Variants in CCDC134 observed in about 807,000 individuals in gnomAD.
The protein encoded by CCDC134 is coiled-coil domain containing 134, also known as coiled-coil domain-containing protein 134.
A neutral mutation model predicts 25.6 loss-of-function variants in CCDC134; 27 were observed. The ratio of observed to expected loss-of-function variants is 1.05; its 90% CI spans 0.78 to 1.45. The LOEUF (loss-of-function observed/expected upper bound fraction) is 1.45, where lower values mean the gene tolerates loss of function less well. Among genes scored for constraint, CCDC134 ranks in the 40% most tolerant of loss-of-function variants. CCDC134 has a pLI of 0.00. For missense variants in CCDC134, 261 were observed against 286.7 expected (o/e 0.91, Z 0.65); for synonymous variants, 110 against 115.0 (o/e 0.96, Z 0.28).
Position 41,809,956 on chromosome 22 carries a change from C to T in CCDC134, c.181C>T (p.Gln61Ter), listed in dbSNP as rs1206407476. The T allele has an allele frequency of 6.2e-7, 1 of 1,614,182 alleles. No individual in the cohort carries two copies. Among genetic ancestry groups the T allele is most frequent in the South Asian group, 1.1e-5 (1 of 91,082 alleles). The part of the protein sequence containing the change: ...KNLAQLNDIH[Q>*]QYKILDVMLK... ...CCTGGCACAGCTGAACGACATCCAC[C>T]AGCAGTACAAGATCCTTGATGTCAT... Residue 61 changes from glutamine to a stop codon, truncating the protein, a stop_gained, in exon 3 of 7, where the codon CAG (glutamine) becomes TAG (stop). Coordinates refer to ENST00000255784, the MANE Select transcript of CCDC134 (RefSeq NM_024821.5). LOFTEE classifies it high-confidence loss of function.
At chr22:41,824,261 G>T (rs2076665598) in intron 6 of CCDC134, among the ~76,000 whole-genome samples, 1 of 152,172 alleles carries the variant, frequency 6.6e-6, no homozygotes, top group Non-Finnish European at 1.5e-5. Flanking sequence ...GTGGGTGTTG[G>T]AAAGAGCGTT....
At chr22:41,821,887 G>A (rs1245620068) in intron 6 of CCDC134, among the ~76,000 whole-genome samples, 1 of 152,156 alleles carries the variant, frequency 6.6e-6, no homozygotes, top group Non-Finnish European at 1.5e-5. Flanking sequence ...GTTGTCTCCT[G>A]CTACTTTCAT....
intron 6 of CCDC134, among the ~76,000 whole-genome samples, chr22:41,815,508 C>T (rs542940848): frequency 6.6e-6 from 1 of 152,234 alleles, no homozygotes; most frequent in South Asian, 2.1e-4. Flanking sequence ...CCCGGCCTAA[C>T]TCAAATTTTC....
At chr22:41,808,557 G>C (rs1360265879) in intron 1 of CCDC134, among the ~76,000 whole-genome samples, 2 of 152,212 alleles carry the variant, frequency 1.3e-5, no homozygotes, top group South Asian at 2.1e-4. Flanking sequence ...GCTCAGAAAG[G>C]CTGGGCAAGC....
intron 1 of CCDC134, among the ~76,000 whole-genome samples, chr22:41,807,165 C>T (rs1039669211): frequency 7.2e-5 from 11 of 152,106 alleles, no homozygotes; most frequent in East Asian, 1.9e-4. Flanking sequence ...AAGAAAAGCC[C>T]GAAGTACAGA....
chr22:41,803,197 A>G (rs1266422966), intron 1 of CCDC134, among the ~76,000 whole-genome samples: 1 of 152,100 alleles, frequency 6.6e-6, no homozygotes, highest in East Asian at 1.9e-4. Context: ...CAGGAGTTTC[A>G]GGTTATAGGG....
intron 6 of CCDC134, among the ~76,000 whole-genome samples, chr22:41,823,436 G>A (rs1474813277): frequency 2.0e-5 from 3 of 152,014 alleles, no homozygotes; most frequent in East Asian, 3.8e-4. Context: ...ATGTTGACCA[G>A]GCTGGTCTTG....
At position 41,831,554 on chromosome 22, in the gene CCDC134, C is replaced by T. The variant is rs191290472; in HGVS notation, c.*5731C>T. 1 of 152,316 alleles carries T rather than the reference C, an allele frequency of 6.6e-6. No homozygotes were observed. Among genetic ancestry groups the T allele is most frequent in the Non-Finnish European group, 1.5e-5 (1 of 68,032 alleles). The allele number at this position is 152,316 out of a possible 1,614,324, so 9.4% of individuals were successfully genotyped here. A position where few individuals can be genotyped will look rare whatever the true frequency, so the allele number is the denominator to read the frequency against. ...ACTTACTGTATGCCAAAGCTTATGC[C>T]GAGAGCTGGCTGCCAGCAGCTCCTC... On this transcript the variant is annotated 3_prime_UTR_variant, in exon 7 of 7. Transcript: ENST00000255784.
rs555791226 is a variant in CCDC134, at chr22:41,809,684, G to A, written c.104-195G>A. Among the ~76,000 whole-genome samples, 3 of 152,318 alleles carry A rather than the reference G, an allele frequency of 2.0e-5. No individual in the cohort carries two copies. In the East Asian group the frequency reaches 5.8e-4, roughly 29 times the overall value. ...GGTTTCAGGCTTCTGGGTGTGGAGC[G>A]CCATGGGAACTGGATGAATAGTGCG... On this transcript the variant is annotated intron_variant, in intron 2 of 6. Coordinates refer to ENST00000255784, the MANE Select transcript of CCDC134 (RefSeq NM_024821.5).
At position 41,810,231 on chromosome 22, in the gene CCDC134, C is replaced by G. The variant is rs558806801; in HGVS notation, c.250C>G (p.Leu84Val). ...FKVLEDSRTV[L>V]TAADVLPDGP... ...GGTGCTGGAGGACTCCCGGACAGTG[C>G]TCACCGCTGCTGATGTGCTCCCAGA... Residue 84 changes from leucine to valine, a missense_variant, in exon 4 of 7, where the codon CTC (leucine) becomes GTC (valine). Leu to Val is a conservative substitution (Grantham distance 32). Coordinates refer to ENST00000255784, the MANE Select transcript of CCDC134 (RefSeq NM_024821.5). 1 of 1,613,934 alleles carries G rather than the reference C, an allele frequency of 6.2e-7. No homozygotes were observed. Among genetic ancestry groups the G allele is most frequent in the Non-Finnish European group, 8.5e-7 (1 of 1,179,986 alleles).
intron 6 of CCDC134, among the ~76,000 whole-genome samples, chr22:41,817,264 T>C (rs1329033855): frequency 6.6e-6 from 1 of 152,114 alleles, no homozygotes; most frequent in Non-Finnish European, 1.5e-5. Context: ...CCAAGTAGAA[T>C]GATATGTTTA....
chr22:41,817,941 A>T (rs1366324467), intron 6 of CCDC134, among the ~76,000 whole-genome samples: 1 of 152,084 alleles, frequency 6.6e-6, no homozygotes, highest in African/African-American at 2.4e-5. Context: ...TATGGCAGTT[A>T]ATCAGCCAGC....
At position 41,808,850 on chromosome 22, in the gene CCDC134, C is replaced by T. The variant is rs114286011; in HGVS notation, c.-16-25C>T. ...GTAACACCGATCTCTGAGTCTCACTCTCTTTCTTTGGGTTATTCTTCCAGC... is the reference window on the plus strand; with the variant it reads ...GTAACACCGATCTCTGAGTCTCACTTTCTTTCTTTGGGTTATTCTTCCAGC... On this transcript the variant is annotated intron_variant, in intron 1 of 6. Coordinates refer to ENST00000255784, the MANE Select transcript of CCDC134 (RefSeq NM_024821.5). The T allele has an allele frequency of 4.4e-5, 68 of 1,547,522 alleles. No individual in the cohort carries two copies. The African/African-American group carries it at 9.0e-4, about 20-fold the overall frequency.
intron 6 of CCDC134, among the ~76,000 whole-genome samples, chr22:41,815,962 T>G (rs966426757): frequency 6.6e-6 from 1 of 152,134 alleles, no homozygotes; most frequent in East Asian, 1.9e-4. Flanking sequence ...TAACCTGCAA[T>G]ATTGAACAGG....
At position 41,808,877 on chromosome 22, in the gene CCDC134, C is replaced by G. The variant is rs777398122; in HGVS notation, c.-14C>G. On this transcript the variant is annotated splice_region_variant and 5_prime_UTR_variant, in exon 2 of 7. Coordinates refer to ENST00000255784, the MANE Select transcript of CCDC134 (RefSeq NM_024821.5). Reference sequence around the variant, plus strand: ...CTTTCTTTGGGTTATTCTTCCAGCTCAAGAGGTTTGGATATGGACCTTCTT... The same window carrying G: ...CTTTCTTTGGGTTATTCTTCCAGCTGAAGAGGTTTGGATATGGACCTTCTT... The G allele has an allele frequency of 1.2e-6, 2 of 1,607,170 alleles. No individual in the cohort carries two copies. The highest frequency in any genetic ancestry group is 3.3e-5 in the Admixed American group (2 of 60,006).
chr22:41,817,532 G>C (rs1425055444), intron 6 of CCDC134, among the ~76,000 whole-genome samples: 1 of 152,004 alleles, frequency 6.6e-6, no homozygotes, highest in African/African-American at 2.4e-5. Context: ...AGAAATTTGA[G>C]ACCATCCTGG....
In CCDC134 at chr22:41,825,287, A is replaced by AC. The variant is rs936843223; in HGVS notation, c.565-404dup. 6.8e-4 allele frequency among the ~76,000 whole-genome samples: 100 copies of AC among 147,152 alleles called. No homozygotes were observed. Among genetic ancestry groups the AC allele is most frequent in the African/African-American group, 2.3e-3 (92 of 39,876 alleles). On this transcript the variant is annotated intron_variant, in intron 6 of 6. Coordinates refer to ENST00000255784, the MANE Select transcript of CCDC134 (RefSeq NM_024821.5). This position sits in a 1 kb window ranked among gnomAD's most constrained non-coding sequence, Gnocchi z 4.4. ...ACCGCCAATGAAGTCCTCATCCTCC[A>AC]CCCCCCCACTTGCCTTGTCATCTGT...
At chr22:41,822,040 C>T (rs546798840) in intron 6 of CCDC134, among the ~76,000 whole-genome samples, 5 of 152,090 alleles carry the variant, frequency 3.3e-5, no homozygotes, top group African/African-American at 9.6e-5. Flanking sequence ...AGGGCCTGCT[C>T]GTGGTTATTG....
At chr22:41,802,100 A>T (rs73885826) in intron 1 of CCDC134, among the ~76,000 whole-genome samples, 1 of 152,088 alleles carries the variant, frequency 6.6e-6, no homozygotes, top group African/African-American at 2.4e-5. Context: ...TGATCTTGTT[A>T]TCAGTCATTT....
Sources: gnomAD v4.1 joint callset for allele counts (sites outside exome capture counted in the v4.1 genomes callset) on GRCh38, gnomAD v4.1.1 for gene constraint, Gnocchi (gnomAD v3.1) non-coding constraint, MANE v1.5 for transcripts, NCBI Gene and HGNC (gene_info 2026-07-23, HGNC 2026-07-21) for gene names.